The following CDKL1 variants were observed in gnomAD, a reference collection of about 807,000 sequenced individuals.
CDKL1 encodes cyclin dependent kinase like 1, also known as cyclin-dependent kinase-like 1.
In CDKL1, 41 loss-of-function variants were observed where a neutral mutation model predicts 42.0. That is an observed-to-expected ratio of 0.98 (90% confidence interval 0.76 to 1.27). The LOEUF is 1.27. Ranked by LOEUF, CDKL1 falls within the 50% of genes most tolerant of loss-of-function variation. The pLI is 0.00. For synonymous variants in CDKL1, 153 were observed against 158.6 expected (o/e 0.96, Z 0.26); for missense variants, 394 against 428.4 (o/e 0.92, Z 0.71).
intron 3 of CDKL1, among the ~76,000 whole-genome samples, chr14:50,353,792 A>C (rs975965574): frequency 6.6e-6 from 1 of 152,142 alleles, no homozygotes; most frequent in Non-Finnish European, 1.5e-5. Context: ...GCTACTCAGG[A>C]GGCTGGAACA....
intron 2 of CDKL1, chr14:50,378,174 T>C: frequency 7.3e-7 from 1 of 1,366,274 alleles, no homozygotes; most frequent in Non-Finnish European, 9.8e-7. Flanking sequence ...CTGCTTCCTT[T>C]ACCTGCAGAC....
At chr14:50,376,475 C>A in intron 2 of CDKL1, 1 of 459,320 alleles carries the variant, frequency 2.2e-6, no homozygotes. Flanking sequence ...AGGAGGATGG[C>A]TGAATACATT....
intron 3 of CDKL1, among the ~76,000 whole-genome samples, chr14:50,358,744 A>T (rs936965765): frequency 6.8e-6 from 1 of 147,734 alleles, no homozygotes; most frequent in Non-Finnish European, 1.5e-5. Flanking sequence ...AGTTCAAGCG[A>T]TTCTCCTGCC....
chr14:50,334,318 A>G, intron 8 of CDKL1: 1 of 333,450 alleles, frequency 3.0e-6, no homozygotes, highest in Non-Finnish European at 5.4e-6. Context: ...CACCACGCCT[A>G]ATTTTTTTTA....
At chr14:50,393,252 C>A (rs2035310072) in intron 2 of CDKL1, among the ~76,000 whole-genome samples, 1 of 152,198 alleles carries the variant, frequency 6.6e-6, no homozygotes, top group Admixed American at 6.5e-5. Context: ...GGTACACATG[C>A]CCTGCTCACT....
chr14:50,335,911 G>T, intron 7 of CDKL1: 1 of 1,274,782 alleles, frequency 7.8e-7, no homozygotes. Context: ...AGTTCCCTAT[G>T]TCAACAGGAG....
chr14:50,396,429 A>G, intron 1 of CDKL1, 100 bp from the exon 2 acceptor site: 1 of 985,392 alleles, frequency 1.0e-6, no homozygotes, highest in Non-Finnish European at 1.2e-6. Flanking sequence ...GCCTCCAGTA[A>G]CCCGATTTTA....
intron 2 of CDKL1, among the ~76,000 whole-genome samples, chr14:50,390,685 A>C (rs1240145004): frequency 6.6e-6 from 1 of 152,184 alleles, no homozygotes; most frequent in Non-Finnish European, 1.5e-5. Flanking sequence ...GTTTTGAACC[A>C]CATAGCCCTT....
chr14:50,380,989 T>A (rs931614181), intron 2 of CDKL1, among the ~76,000 whole-genome samples: 6 of 152,126 alleles, frequency 3.9e-5, no homozygotes, highest in African/African-American at 1.4e-4. Flanking sequence ...AAGGACAAAT[T>A]GTTGCACCTT....
intron 3 of CDKL1, among the ~76,000 whole-genome samples, chr14:50,349,314 T>C (rs577832068): frequency 1.3e-5 from 2 of 152,302 alleles, no homozygotes; most frequent in Admixed American, 6.5e-5. Flanking sequence ...AGTGTGAGGA[T>C]AGAATAAAGC....
chr14:50,358,819 T>C (rs2034146574), intron 3 of CDKL1, among the ~76,000 whole-genome samples: 1 of 151,840 alleles, frequency 6.6e-6, no homozygotes, highest in South Asian at 2.1e-4. Context: ...TTTGTATTTT[T>C]AGTAGAGATG....
At chr14:50,376,257 C>T (rs1235168002) in intron 2 of CDKL1, 1 of 409,178 alleles carries the variant, frequency 2.4e-6, no homozygotes, top group Non-Finnish European at 5.0e-6. Flanking sequence ...GGGAACTCTA[C>T]TATCTTCTAG....
rs776046027 is a variant in CDKL1, at chr14:50,395,684, A to G, written c.168+17T>C. On this transcript the variant is annotated intron_variant, in intron 2 of 9. Coordinates refer to ENST00000395834, the MANE Select transcript of CDKL1 (RefSeq NM_004196.7). Reference sequence around the variant, plus strand: ...CCTGTCTCGAAAAAGAAAAAAAAGGAAAAGTGAATCAATTACCTTGAGCAT... The same window carrying G: ...CCTGTCTCGAAAAAGAAAAAAAAGGGAAAGTGAATCAATTACCTTGAGCAT... 1.3e-6 allele frequency: 2 copies of G among 1,564,670 alleles called. No homozygotes were observed. The highest frequency in any genetic ancestry group is 1.1e-5 in the South Asian group (1 of 89,220).
chr14:50,387,286 C>T (rs2035113897), intron 2 of CDKL1, among the ~76,000 whole-genome samples: 1 of 151,774 alleles, frequency 6.6e-6, no homozygotes, highest in African/African-American at 2.4e-5. Flanking sequence ...CTTTGGGAGG[C>T]CGAGGCAGGT....
At chr14:50,366,833 C>G (rs2034449462) in intron 2 of CDKL1, among the ~76,000 whole-genome samples, 1 of 152,158 alleles carries the variant, frequency 6.6e-6, no homozygotes, top group Admixed American at 6.5e-5. Context: ...AAGGTTTACA[C>G]ACTGGGGCAG....
chr14:50,330,254 A>G (rs2032863814), intron 9 of CDKL1, 73 bp from the exon 10 acceptor site: 2 of 1,528,588 alleles, frequency 1.3e-6, no homozygotes, highest in Non-Finnish European at 1.7e-6. Context: ...AATATATCAC[A>G]AAAGAGGTAA....
At chr14:50,363,251 C>T (rs1299815070) in intron 2 of CDKL1, 1 of 202,002 alleles carries the variant, frequency 5.0e-6, no homozygotes, top group Admixed American at 5.3e-5. Flanking sequence ...TTCTTGAAGT[C>T]AGTGAGACCA....
intron 6 of CDKL1, 105 bp downstream of exon 6, chr14:50,340,927 T>G: frequency 8.4e-7 from 1 of 1,196,148 alleles, no homozygotes; most frequent in Non-Finnish European, 1.2e-6. Context: ...CTTTCCTAAC[T>G]AATGCCTTAA....
intron 2 of CDKL1, among the ~76,000 whole-genome samples, chr14:50,370,500 C>A (rs2034561057): frequency 6.6e-6 from 1 of 152,246 alleles, no homozygotes; most frequent in African/African-American, 2.4e-5. Flanking sequence ...TCTCTCCATT[C>A]TCCTCATCCC....
Sources: gnomAD v4.1 joint callset for allele counts (sites outside exome capture counted in the v4.1 genomes callset) on GRCh38, gnomAD v4.1.1 for gene constraint, MANE v1.5 for transcripts, NCBI Gene and HGNC (gene_info 2026-07-23, HGNC 2026-07-21) for gene names.